Variants in TNFSF11 observed in about 807,000 individuals in gnomAD.
TNFSF11 encodes TNF superfamily member 11.
Under a neutral mutation model 32.2 loss-of-function variants are expected in TNFSF11, and 12 were observed. That is an observed-to-expected ratio of 0.37 (90% CI 0.24 to 0.60). The LOEUF is 0.60. TNFSF11 is among the 20% of genes least tolerant of loss of function. The pLI, the probability that TNFSF11 is intolerant of heterozygous loss-of-function variation, is 0.66. For synonymous variants in TNFSF11, 172 were observed against 152.1 expected (o/e 1.13, Z -0.96); for missense variants, 345 against 398.0 (o/e 0.87, Z 1.13).
At chr13:42,606,419 C>G in intron 4 of TNFSF11, 78 bp from the exon 5 acceptor site, 2 of 1,569,202 alleles carry the variant, frequency 1.3e-6, no homozygotes, top group East Asian at 2.2e-5. Flanking sequence ...ATTTTTTCTC[C>G]CTAACCTCAT....
intron 4 of TNFSF11, among the ~76,000 whole-genome samples, chr13:42,601,464 G>C (rs953487111): frequency 6.6e-6 from 1 of 152,174 alleles, no homozygotes; most frequent in South Asian, 2.1e-4. Flanking sequence ...CCTTCTCCAA[G>C]GGCTTATCAT....
intron 4 of TNFSF11, among the ~76,000 whole-genome samples, chr13:42,602,068 T>C (rs1314273136): frequency 6.6e-6 from 1 of 152,218 alleles, no homozygotes; most frequent in Non-Finnish European, 1.5e-5. Context: ...AAAGCCCTTA[T>C]GTTTCTCTTT....
At chr13:42,575,501 T>C (rs1873267706) in intron 1 of TNFSF11, among the ~76,000 whole-genome samples, 1 of 152,098 alleles carries the variant, frequency 6.6e-6, no homozygotes, top group Non-Finnish European at 1.5e-5. Context: ...GAAAAGAAAG[T>C]TGGGTTTGGA....
At chr13:42,586,081 T>A (rs1398818785) in intron 2 of TNFSF11, among the ~76,000 whole-genome samples, 1 of 152,260 alleles carries the variant, frequency 6.6e-6, no homozygotes, top group Non-Finnish European at 1.5e-5. Flanking sequence ...TATTTTGGAA[T>A]GTACAAATAT....
chr13:42,575,974 C>G (rs9562413), intron 1 of TNFSF11, among the ~76,000 whole-genome samples: 1,558 of 152,340 alleles, frequency 0.01, 10 homozygotes, highest in South Asian at 0.036. Context: ...GCACCGTCAC[C>G]TGCGATGGAA....
intron 1 of TNFSF11, among the ~76,000 whole-genome samples, chr13:42,577,247 A>G (rs1873364951): frequency 6.6e-6 from 1 of 152,256 alleles, no homozygotes; most frequent in South Asian, 2.1e-4. Flanking sequence ...TTTTAAATGC[A>G]TTTAAAAGAA....
intron 4 of TNFSF11, among the ~76,000 whole-genome samples, chr13:42,603,045 C>T (rs1869262647): frequency 6.6e-6 from 1 of 152,178 alleles, no homozygotes; most frequent in Admixed American, 6.5e-5. Flanking sequence ...GTGGCTCTGG[C>T]TGGGCCCACA....
upstream of TNFSF11, among the ~76,000 whole-genome samples, chr13:42,572,467 G>C (rs191476607): frequency 9.9e-5 from 15 of 152,196 alleles, no homozygotes; most frequent in East Asian, 2.7e-3. Context: ...CTGAGTCAAG[G>C]AGCAGGGAGA....
chr13:42,599,869 T>G (rs1018581344), intron 2 of TNFSF11, among the ~76,000 whole-genome samples: 3 of 152,102 alleles, frequency 2.0e-5, no homozygotes, highest in African/African-American at 7.2e-5. Flanking sequence ...ACATCTAAAT[T>G]TACCAGGCAC....
At chr13:42,579,344 G>A (rs1873478411) in intron 1 of TNFSF11, among the ~76,000 whole-genome samples, 1 of 151,626 alleles carries the variant, frequency 6.6e-6, no homozygotes, top group South Asian at 2.1e-4. Flanking sequence ...GGGATTTCAA[G>A]GCTGAAGTGA....
intron 2 of TNFSF11, among the ~76,000 whole-genome samples, chr13:42,569,024 T>C (rs562160425): frequency 2.6e-5 from 4 of 152,202 alleles, no homozygotes; most frequent in Admixed American, 2.6e-4. Flanking sequence ...TAAGAAGGGA[T>C]GGTAAGGAAC....
chr13:42,594,304 A>G (rs1331583707), intron 2 of TNFSF11, among the ~76,000 whole-genome samples: 1 of 149,516 alleles, frequency 6.7e-6, no homozygotes, highest in Non-Finnish European at 1.5e-5. Context: ...CTGGTCTTGA[A>G]CTCCTGGCCT....
In TNFSF11 at chr13:42,604,605, T is replaced by G. The variant is rs141122888; in HGVS notation, c.533-1892T>G. ...TGGTTGAAAGAACTGCCTGTTTGGT[T>G]CCTACAGCCTAGTTTTGAGGCTCCC... On this transcript the variant is annotated intron_variant, in intron 4 of 4. Coordinates refer to ENST00000398795, the MANE Select transcript of TNFSF11 (RefSeq NM_003701.4). Among the ~76,000 whole-genome samples, 119 of 152,278 alleles carry G rather than the reference T, an allele frequency of 7.8e-4. No homozygotes were observed. In the East Asian group the frequency reaches 9.6e-3, roughly 12 times the overall value.
intron 2 of TNFSF11, among the ~76,000 whole-genome samples, chr13:42,599,339 A>ATCTG (rs1397190503): frequency 2.0e-4 from 14 of 68,476 alleles, no homozygotes; most frequent in African/African-American, 6.2e-4. Flanking sequence ...CTATCTATCT[A>ATCTG]TCTATCTATC....
chr13:42,591,014 C>G (rs1868441700), intron 2 of TNFSF11, among the ~76,000 whole-genome samples: 2 of 152,140 alleles, frequency 1.3e-5, no homozygotes, highest in Non-Finnish European at 2.9e-5. Context: ...AATGATCCAC[C>G]AGTGACTGTA....
intron 2 of TNFSF11, among the ~76,000 whole-genome samples, chr13:42,600,468 A>G (rs917541404): frequency 9.2e-5 from 14 of 152,218 alleles, no homozygotes; most frequent in African/African-American, 1.9e-4. Context: ...ATTATGTTCA[A>G]TTACGCCATG....
Position 42,580,450 on chromosome 13 carries a change from A to G in TNFSF11, c.220-676A>G, listed in dbSNP as rs550143441. 1.7e-4 allele frequency among the ~76,000 whole-genome samples: 26 copies of G among 152,244 alleles called. No individual in the cohort carries two copies. In the South Asian group the frequency reaches 5.4e-3, roughly 32 times the overall value. ...CATGCAGCCTCCCCACCCTAACGTG[A>G]TGACACCAAATATCACCTGCATCCA... On this transcript the variant is annotated intron_variant, in intron 1 of 4. Coordinates refer to ENST00000398795, the MANE Select transcript of TNFSF11 (RefSeq NM_003701.4).
intron 2 of TNFSF11, among the ~76,000 whole-genome samples, chr13:42,590,448 C>A (rs1454267429): frequency 6.6e-6 from 1 of 152,214 alleles, no homozygotes; most frequent in Non-Finnish European, 1.5e-5. Flanking sequence ...TTCTTCCTGG[C>A]CTCATGGATC....
intron 1 of TNFSF11, among the ~76,000 whole-genome samples, chr13:42,579,294 G>A (rs1360845114): frequency 6.6e-6 from 1 of 151,848 alleles, no homozygotes; most frequent in Non-Finnish European, 1.5e-5. Flanking sequence ...TGTAGTCCCA[G>A]CTACATGGAA....
Sources: allele counts gnomAD v4.1 joint callset (sites outside exome capture counted in the v4.1 genomes callset), GRCh38; gene constraint gnomAD v4.1.1; transcripts MANE v1.5; gene names NCBI Gene and HGNC (gene_info 2026-07-23, HGNC 2026-07-21).